Variants in PINK1 observed in about 807,000 individuals in gnomAD.
The protein encoded by PINK1 is serine/threonine-protein kinase PINK1, mitochondrial.
PINK1 carries 58 observed loss-of-function variants against 56.0 expected under a neutral mutation model. The ratio of observed to expected loss-of-function variants is 1.04; its 90% confidence interval spans 0.84 to 1.29. PINK1 has a LOEUF of 1.29. PINK1 is among the 50% of genes most tolerant of loss of function. The pLI is 0.00. For missense variants in PINK1, 745 were observed against 777.9 expected (o/e 0.96, Z 0.50); for synonymous variants, 354 against 339.3 (o/e 1.04, Z -0.48).
At chr1:20,637,598 G>C (rs2053069287) in intron 1 of PINK1, among the ~76,000 whole-genome samples, 1 of 152,208 alleles carries the variant, frequency 6.6e-6, no homozygotes, top group Admixed American at 6.5e-5. Flanking sequence ...TGACCTCTCA[G>C]ATCATTGAGT....
At position 20,637,984 on chromosome 1, in the gene PINK1, C is replaced by T; in HGVS notation, c.530C>T (p.Thr177Ile). ...GCTGTGTATGAAGCCACCATGCCTA[C>T]ATTGCCCCAGAACCTGGAGGTGACA... ...SAAVYEATMP[T>I]LPQNLEVTKS... Residue 177 changes from threonine to isoleucine, a missense_variant, in exon 2 of 8, where the codon ACA (threonine) becomes ATA (isoleucine). Physicochemically the swap from Thr to Ile is moderately conservative, Grantham distance 89. Transcript: ENST00000321556. 1.2e-6 allele frequency: 2 copies of T among 1,614,212 alleles called. No homozygotes were observed. Among genetic ancestry groups the T allele is most frequent in the Middle Eastern group, 1.6e-4 (1 of 6,062 alleles).
chr1:20,634,004 T>C, intron 1 of PINK1, 69 bp downstream of exon 1: 2 of 684,464 alleles, frequency 2.9e-6, no homozygotes, highest in Non-Finnish European at 3.9e-6. Context: ...CTCAGCTGGG[T>C]GGGGGCGGGG....
chr1:20,650,969 C>T lies in PINK1; in HGVS notation c.*278C>T. The T allele has an allele frequency of 2.0e-6, 1 of 492,080 alleles. No individual in the cohort carries two copies. Among genetic ancestry groups the T allele is most frequent in the East Asian group, 3.8e-5 (1 of 25,994 alleles). 30.5% of individuals were successfully genotyped at this position (492,080 alleles called of 1,614,324 possible). ...CCTGCATCCACAGAGAGGATCCAGG[C>T]CAAGGCACTGGCTGTCAGTGGCAGA... On this transcript the variant is annotated 3_prime_UTR_variant, in exon 8 of 8. Coordinates refer to ENST00000321556, the MANE Select transcript of PINK1 (RefSeq NM_032409.3).
rs2053071852 is a variant in PINK1 at position 20,637,833 on chromosome 1, T to A, written c.388-9T>A. ...CCCTGGCTCACGGTGCATTCTTTTC[T>A]CATCACAGGCAATTTTTACCCAGAA... On this transcript the variant is annotated splice_polypyrimidine_tract_variant and intron_variant, in intron 1 of 7. Transcript: ENST00000321556. The A allele has an allele frequency of 6.2e-7, 1 of 1,613,694 alleles. No individual in the cohort carries two copies. Among genetic ancestry groups the A allele is most frequent in the Non-Finnish European group, 8.5e-7 (1 of 1,180,040 alleles).
At chr1:20,645,224 G>C (rs910563823) in intron 4 of PINK1, among the ~76,000 whole-genome samples, 1 of 152,094 alleles carries the variant, frequency 6.6e-6, no homozygotes. Context: ...AATGGTGGCT[G>C]ACGCCTGTAA....
chr1:20,640,708 AG>A (rs1010370902), intron 3 of PINK1, among the ~76,000 whole-genome samples: 3 of 152,146 alleles, frequency 2.0e-5, no homozygotes, highest in African/African-American at 7.2e-5. Context: ...ACAGGTGGTG[AG>A]GACTGACGCG....
At position 20,634,588 on chromosome 1, in the gene PINK1, T is replaced by TCTTGTGG. The variant is rs1334600205; in HGVS notation, c.387+654_387+655insTTGTGGC. On this transcript the variant is annotated intron_variant, in intron 1 of 7. Coordinates refer to ENST00000321556, the MANE Select transcript of PINK1 (RefSeq NM_032409.3). ...CTGTATTAGGGTTCTCCAAATGGAATCAATAGGATGTGTCTATATAGAGGC... is the reference window on the plus strand; with the variant it reads ...CTGTATTAGGGTTCTCCAAATGGAATCTTGTGGCAATAGGATGTGTCTATATAGAGGC... 5.6e-4 allele frequency among the ~76,000 whole-genome samples: 86 copies of TCTTGTGG among 152,330 alleles called. 2 individuals carry two copies. The highest frequency in any genetic ancestry group is 4.2e-3 in the Admixed American group (64 of 15,306).
At chr1:20,634,018 G>T (rs2053026564) in intron 1 of PINK1, 83 bp downstream of exon 1, 34 of 1,491,466 alleles carry the variant, frequency 2.3e-5, no homozygotes, top group Non-Finnish European at 2.6e-5. Context: ...GGCGGGGCTA[G>T]GTGTGGAGGC....
intron 1 of PINK1, among the ~76,000 whole-genome samples, chr1:20,634,937 T>C (rs1244349225): frequency 6.6e-6 from 1 of 152,172 alleles, no homozygotes; most frequent in East Asian, 1.9e-4. Flanking sequence ...TTCTTATTGC[T>C]CATCACCACT....
At chr1:20,646,875 C>CTTACTTATTTAT (rs1553146669) in intron 5 of PINK1, among the ~76,000 whole-genome samples, 2 of 140,092 alleles carry the variant, frequency 1.4e-5, no homozygotes, top group East Asian at 4.1e-4. Context: ...TATTTATTTA[C>CTTACTTATTTAT]TTATTTATTT....
In PINK1 at chr1:20,650,576, T is replaced by C. The variant is rs554043854; in HGVS notation, c.1631T>C (p.Leu544Pro). 30 of 1,614,234 alleles carry C rather than the reference T, an allele frequency of 1.9e-5. No homozygotes were observed. The highest frequency in any genetic ancestry group is 2.3e-5 in the Non-Finnish European group (27 of 1,180,048). ...GCCGCCACTTTGTTGGCCAACAGGC[T>C]CACAGAGAAGTGTTGTGTGGAAACA... Reference protein sequence around the residue: ...QSAATLLANRLTEKCCVETKM... With the variant: ...QSAATLLANRPTEKCCVETKM... The change falls in exon 8 of 8, where the codon CTC becomes CCC. Residue 544 changes from leucine (L) to proline (P), a missense_variant. Leu to Pro is a moderately conservative substitution (Grantham distance 98). Coordinates refer to ENST00000321556, the MANE Select transcript of PINK1 (RefSeq NM_032409.3).
chr1:20,644,762 G>T, intron 4 of PINK1, 90 bp downstream of exon 4: 3 of 1,502,518 alleles, frequency 2.0e-6, no homozygotes, highest in Admixed American at 1.8e-5. Flanking sequence ...TGATCAGGGG[G>T]TTTTGGAGAA....
chr1:20,644,046 C>T (rs777678190), intron 3 of PINK1, among the ~76,000 whole-genome samples: 1 of 152,054 alleles, frequency 6.6e-6, no homozygotes, highest in African/African-American at 2.4e-5. Flanking sequence ...CTCTCTCTCT[C>T]CTCTCTCTAA....
rs778039430 is a variant in PINK1, at chr1:20,650,661, C to G, written c.1716C>G (p.Leu572=). The G allele has an allele frequency of 1.9e-6, 3 of 1,613,996 alleles. No homozygotes were observed. Among genetic ancestry groups the G allele is most frequent in the South Asian group, 1.1e-5 (1 of 91,084 alleles). ...LECETLCQAA[L]LLCSWRAAL ...GTGAAACGCTCTGCCAGGCAGCCCT[C>G]CTCCTCTGCTCATGGAGGGCAGCCC... is the stretch of plus-strand genomic sequence containing the variant. Residue 572 remains leucine (L), a synonymous_variant, in exon 8 of 8, where the codon CTC becomes CTG. Transcript: ENST00000321556.
At chr1:20,648,689 A>G (rs1224459800) in intron 6 of PINK1, 57 bp downstream of exon 6, 2 of 1,605,514 alleles carry the variant, frequency 1.2e-6, no homozygotes, top group African/African-American at 1.3e-5. Flanking sequence ...TGTCCACTGA[A>G]TGCAGGAGAC....
At chr1:20,636,148 C>T (rs1277349122) in intron 1 of PINK1, among the ~76,000 whole-genome samples, 1 of 151,560 alleles carries the variant, frequency 6.6e-6, no homozygotes, top group Non-Finnish European at 1.5e-5. Flanking sequence ...TCCTGGGCAA[C>T]TAGCAGGAGT....
chr1:20,644,158 T>TA (rs2053148279), intron 3 of PINK1, among the ~76,000 whole-genome samples: 1 of 152,140 alleles, frequency 6.6e-6, no homozygotes. Context: ...GCCAAGGACT[T>TA]ACAGTGGCAG....
intron 7 of PINK1, 128 bp downstream of exon 7, chr1:20,649,359 TAC>T: frequency 1.0e-6 from 1 of 990,712 alleles, no homozygotes; most frequent in Non-Finnish European, 1.5e-6. Context: ...AAAGGCTAGT[TAC>T]AAGAGAACAA....
At position 20,650,458 on chromosome 1, in the gene PINK1, A is replaced by C; in HGVS notation, c.1513A>C (p.Asn505His). Residue 505 changes from asparagine (N) to histidine (H), a missense_variant, in exon 8 of 8, where the codon AAT (asparagine) becomes CAT (histidine). Coordinates refer to ENST00000321556, the MANE Select transcript of PINK1 (RefSeq NM_032409.3). ...GAGACCATCTGCCCGAGTAGCCGCA[A>C]ATGTGCTTCATCTAAGCCTCTGGGG... is the stretch of plus-strand genomic sequence containing the variant. ...SKRPSARVAA[N>H]VLHLSLWGEH... 1 of 1,613,994 alleles carries C rather than the reference A, an allele frequency of 6.2e-7. No homozygotes were observed. Among genetic ancestry groups the C allele is most frequent in the Non-Finnish European group, 8.5e-7 (1 of 1,179,924 alleles).
Sources: allele counts gnomAD v4.1 joint callset (sites outside exome capture counted in the v4.1 genomes callset), GRCh38; gene constraint gnomAD v4.1.1; transcripts MANE v1.5; gene names NCBI Gene and HGNC (gene_info 2026-07-23, HGNC 2026-07-21).